The following COQ7 variants were observed in gnomAD, a reference collection of about 807,000 sequenced individuals.
COQ7 encodes the protein NADPH-dependent 3-demethoxyubiquinone 3-hydroxylase, mitochondrial.
Under a neutral mutation model 25.0 loss-of-function variants are expected in COQ7, and 21 were observed. The ratio of observed to expected loss-of-function variants is 0.84; its 90% CI spans 0.60 to 1.21. The LOEUF is 1.21. Ranked by LOEUF, COQ7 falls within the 50% of genes most tolerant of loss-of-function variation. The pLI is 0.00. For synonymous variants in COQ7, 125 were observed against 112.4 expected (o/e 1.11, Z -0.71); for missense variants, 311 against 296.2 (o/e 1.05, Z -0.37).
At position 19,075,773 on chromosome 16, in the gene COQ7, G is replaced by T; in HGVS notation, c.420G>T (p.Ala140=). ...GKEGAMACTV[A]VEESIAHHYN... Reference sequence around the variant, plus strand: ...AAGGTGCCATGGCCTGCACCGTGGCGGTGGAAGAGAGCATAGCACATCACT... The same window carrying T: ...AAGGTGCCATGGCCTGCACCGTGGCTGTGGAAGAGAGCATAGCACATCACT... Residue 140 remains alanine (A), a synonymous_variant, in exon 4 of 6, where the codon GCG becomes GCT. Coordinates refer to ENST00000321998, the MANE Select transcript of COQ7 (RefSeq NM_016138.5). 1 of 1,611,042 alleles carries T rather than the reference G, an allele frequency of 6.2e-7. No individual in the cohort carries two copies. Among genetic ancestry groups the T allele is most frequent in the Non-Finnish European group, 8.5e-7 (1 of 1,178,516 alleles).
At chr16:19,080,330 A>G (rs1963069066), downstream of COQ7, among the ~76,000 whole-genome samples, 1 of 152,244 alleles carries the variant, frequency 6.6e-6, no homozygotes, top group African/African-American at 2.4e-5. Context: ...TTGCAAATAA[A>G]CTACCAAAAA....
Position 19,077,368 on chromosome 16 carries a change from A to G in COQ7, c.570A>G (p.Ala190=). The G allele has an allele frequency of 6.2e-7, 1 of 1,613,992 alleles. No individual in the cohort carries two copies. ...ATGACATAGGCCTCGACCATGATGC[A>G]GAATTGGTAGGGCCCTACTGTTACC... ...EHHDIGLDHD[A]ELAPAYAVLK... The change falls in exon 5 of 6, where the codon GCA becomes GCG. Residue 190 remains alanine, a synonymous_variant. Coordinates refer to ENST00000321998, the MANE Select transcript of COQ7 (RefSeq NM_016138.5).
chr16:19,070,795 C>T (rs1376865308), intron 1 of COQ7, among the ~76,000 whole-genome samples: 2 of 151,542 alleles, frequency 1.3e-5, no homozygotes, highest in Non-Finnish European at 2.9e-5. Flanking sequence ...GCTACCATTA[C>T]AAACTAAATG....
At chr16:19,073,876 C>A (rs779799304) in intron 2 of COQ7, 45 bp from the exon 3 acceptor site, 4 of 1,413,314 alleles carry the variant, frequency 2.8e-6, no homozygotes, top group Non-Finnish European at 4.0e-6. Context: ...GAGTGGGAGG[C>A]CTCTATGGAA....
At position 19,078,222 on chromosome 16, in the gene COQ7, A is replaced by T; in HGVS notation, c.*64A>T. On this transcript the variant is annotated 3_prime_UTR_variant, in exon 6 of 6. Transcript: ENST00000321998. The stretch of plus-strand genomic sequence containing the variant: ...AATTTACCAAGTGACATTTGCAGAG[A>T]AACAGGTGTACAGTTATCGTTGTAC... The T allele has an allele frequency of 8.1e-7, 1 of 1,241,718 alleles. No individual in the cohort carries two copies. Among genetic ancestry groups the T allele is most frequent in the Non-Finnish European group, 1.2e-6 (1 of 857,030 alleles). The allele number at this position is 1,241,718 out of a possible 1,614,324, so 76.9% of individuals were successfully genotyped here.
chr16:19,072,824 G>A (rs1032729607), intron 2 of COQ7, among the ~76,000 whole-genome samples: 4 of 152,148 alleles, frequency 2.6e-5, no homozygotes, highest in Non-Finnish European at 4.4e-5. Context: ...CACTTAGGAC[G>A]TGCCATCTAA....
intron 4 of COQ7, among the ~76,000 whole-genome samples, chr16:19,076,732 C>T (rs1962866885): frequency 6.6e-6 from 1 of 151,748 alleles, no homozygotes; most frequent in Non-Finnish European, 1.5e-5. Flanking sequence ...GCTGGGATTA[C>T]AGACATGCAC....
chr16:19,080,308 T>TA (rs1677304386), downstream of COQ7, among the ~76,000 whole-genome samples: 1 of 152,176 alleles, frequency 6.6e-6, no homozygotes, highest in Admixed American at 6.5e-5. Context: ...TAATGAAAGA[T>TA]TTTTGTTTGC....
At chr16:19,077,474 C>T in intron 5 of COQ7, 100 bp downstream of exon 5, 7 of 966,672 alleles carry the variant, frequency 7.2e-6, no homozygotes, top group South Asian at 1.6e-5. Context: ...TTTAAAGTGA[C>T]AGCGAAAGGG....
At chr16:19,080,756 G>A (rs1963082747), downstream of COQ7, among the ~76,000 whole-genome samples, 1 of 152,004 alleles carries the variant, frequency 6.6e-6, no homozygotes, top group Non-Finnish European at 1.5e-5. Flanking sequence ...TATAATTAGG[G>A]TTATTATGTT....
At chr16:19,067,987 C>A (rs1204341703) in intron 1 of COQ7, 1 of 1,385,930 alleles carries the variant, frequency 7.2e-7, no homozygotes, top group Non-Finnish European at 9.3e-7. Context: ...AATTGCACCC[C>A]TGTGCAGTGA....
Position 19,075,677 on chromosome 16 carries a change from C to A in COQ7, c.368-44C>A. 3 of 1,525,710 alleles carry A rather than the reference C, an allele frequency of 2.0e-6. No individual in the cohort carries two copies. In the South Asian group the frequency reaches 4.0e-5, roughly 20 times the overall value. 94.5% of individuals were successfully genotyped at this position (1,525,710 alleles called of 1,614,324 possible). A position where few individuals can be genotyped will look rare whatever the true frequency, so the allele number is the denominator to read the frequency against. On this transcript the variant is annotated intron_variant, in intron 3 of 5. Transcript: ENST00000321998. ...GCCACAGATGGTCTCCATTACCGGTCATATCTGTCTCTTACTTTTCTGGTC... is the reference window on the plus strand; with the variant it reads ...GCCACAGATGGTCTCCATTACCGGTAATATCTGTCTCTTACTTTTCTGGTC...
rs751033964 is a variant in COQ7, at chr16:19,075,831, G to A, written c.478G>A (p.Asp160Asn). 2 of 1,614,232 alleles carry A rather than the reference G, an allele frequency of 1.2e-6. No individual in the cohort carries two copies. Among genetic ancestry groups the A allele is most frequent in the Non-Finnish European group, 8.5e-7 (1 of 1,180,034 alleles). ...NNQIRTLMEE[D>N]PEKYEELLQL... ...CCAGATCAGGACGCTGATGGAGGAGGACCCTGAAAAATACGAGGAACTTCT... is the reference window on the plus strand; with the variant it reads ...CCAGATCAGGACGCTGATGGAGGAGAACCCTGAAAAATACGAGGAACTTCT... Residue 160 changes from aspartate to asparagine, a missense_variant, in exon 4 of 6, where the codon GAC becomes AAC. Coordinates refer to ENST00000321998, the MANE Select transcript of COQ7 (RefSeq NM_016138.5).
At chr16:19,070,404 TAG>T (rs1246820363) in intron 1 of COQ7, among the ~76,000 whole-genome samples, 1 of 152,198 alleles carries the variant, frequency 6.6e-6, no homozygotes, top group Non-Finnish European at 1.5e-5. Context: ...AAAGACATGG[TAG>T]TCACGGCTAA....
At chr16:19,070,694 T>A (rs916632927) in intron 1 of COQ7, among the ~76,000 whole-genome samples, 3 of 151,628 alleles carry the variant, frequency 2.0e-5, no homozygotes, top group South Asian at 2.1e-4. Context: ...GAGTTTGCGG[T>A]GAGCCAAGAT....
chr16:19,072,257 C>T, intron 2 of COQ7, 151 bp downstream of exon 2: 1 of 822,204 alleles, frequency 1.2e-6, no homozygotes, highest in Non-Finnish European at 1.9e-6. Context: ...AGATGGGGAG[C>T]AAAAAGCATA....
intron 1 of COQ7, among the ~76,000 whole-genome samples, chr16:19,071,561 C>T (rs1400397091): frequency 6.6e-6 from 1 of 152,220 alleles, no homozygotes; most frequent in Admixed American, 6.5e-5. Context: ...TGGGGAAGAG[C>T]ACGGTGTTTT....
At chr16:19,082,861 G>A (rs957023280), downstream of COQ7, among the ~76,000 whole-genome samples, 3 of 151,778 alleles carry the variant, frequency 2.0e-5, no homozygotes, top group East Asian at 3.9e-4. Context: ...AAAAGGTCAC[G>A]TATTGTATTA....
At chr16:19,082,023 AAAAAAAAG>A (rs1358710269), downstream of COQ7, among the ~76,000 whole-genome samples, 1 of 151,920 alleles carries the variant, frequency 6.6e-6, no homozygotes, top group Non-Finnish European at 1.5e-5. Flanking sequence ...CTCCATCCCA[AAAAAAAAG>A]AAAAAAAGAA....
Sources: allele counts gnomAD v4.1 joint callset (sites outside exome capture counted in the v4.1 genomes callset), GRCh38; gene constraint gnomAD v4.1.1; transcripts MANE v1.5; gene names NCBI Gene and HGNC (gene_info 2026-07-23, HGNC 2026-07-21).